The following AFAP1 variants were observed in gnomAD, a reference collection of about 807,000 sequenced individuals.
AFAP1 encodes actin filament associated protein 1.
In AFAP1, 75 loss-of-function variants were observed where a neutral mutation model predicts 93.9. That is an observed-to-expected ratio of 0.80 (90% confidence interval 0.66 to 0.97). The LOEUF is 0.97. Among genes scored for constraint, AFAP1 ranks in the 50% least tolerant of loss-of-function variants. AFAP1 has a pLI of 0.00. For missense variants in AFAP1, 1,201 were observed against 1,050.8 expected, an observed-to-expected ratio of 1.14 and a Z score of -1.98; for synonymous variants, 517 against 430.7, an observed-to-expected ratio of 1.20 and a Z score of -2.48.
chr4:7,841,452 A>G (rs1261298686), intron 5 of AFAP1, among the ~76,000 whole-genome samples: 2 of 152,246 alleles, frequency 1.3e-5, no homozygotes, highest in Non-Finnish European at 2.9e-5. Context: ...GGTACATCAC[A>G]GTACCCACCC....
intron 1 of AFAP1, among the ~76,000 whole-genome samples, chr4:7,884,926 A>G (rs573237276): frequency 6.6e-6 from 1 of 152,136 alleles, no homozygotes; most frequent in Non-Finnish European, 1.5e-5. Context: ...CACACGGTGC[A>G]TTCCCTAAAC....
At chr4:7,928,365 G>C (rs1720884291) in intron 1 of AFAP1, among the ~76,000 whole-genome samples, 1 of 152,000 alleles carries the variant, frequency 6.6e-6, no homozygotes, top group Non-Finnish European at 1.5e-5. Context: ...ACCCAGGCTG[G>C]GTAAAATACT....
chr4:7,816,978 AG>A (rs1168733734), intron 7 of AFAP1, among the ~76,000 whole-genome samples: 1 of 152,220 alleles, frequency 6.6e-6, no homozygotes, highest in Non-Finnish European at 1.5e-5. Context: ...CTCTCACACC[AG>A]GAACAGCTGG....
chr4:7,860,902 T>TCCA (rs1244020813), intron 3 of AFAP1, among the ~76,000 whole-genome samples: 4 of 152,300 alleles, frequency 2.6e-5, no homozygotes, highest in Admixed American at 1.3e-4. Context: ...CTTCATGCCT[T>TCCA]CCACTGCCGC....
At chr4:7,803,814 T>C (rs569185458) in intron 9 of AFAP1, among the ~76,000 whole-genome samples, 7 of 152,360 alleles carry the variant, frequency 4.6e-5, no homozygotes, top group African/African-American at 9.6e-5. Context: ...CCACATTTTA[T>C]TTAGAACATG....
intron 1 of AFAP1, among the ~76,000 whole-genome samples, chr4:7,931,383 G>C (rs763297164): frequency 1.2e-4 from 18 of 151,988 alleles, no homozygotes; most frequent in Non-Finnish European, 2.6e-4. Context: ...TATATTAAGT[G>C]ATATGGTTTT....
chr4:7,808,923 G>C (rs920125146), intron 9 of AFAP1, among the ~76,000 whole-genome samples: 6 of 152,126 alleles, frequency 3.9e-5, no homozygotes, highest in Non-Finnish European at 8.8e-5. Context: ...CGCAGATGCT[G>C]GCACCATACT....
chr4:7,925,122 T>G (rs1720656222), intron 1 of AFAP1, among the ~76,000 whole-genome samples: 1 of 152,116 alleles, frequency 6.6e-6, no homozygotes, highest in Non-Finnish European at 1.5e-5. Context: ...TCTGAGAAAG[T>G]CAACTCTGCC....
At chr4:7,790,562 G>C (rs371015169) in intron 11 of AFAP1, among the ~76,000 whole-genome samples, 1 of 152,164 alleles carries the variant, frequency 6.6e-6, no homozygotes, top group Non-Finnish European at 1.5e-5. Context: ...TGGAAATTTA[G>C]TATCTTCCAA....
chr4:7,910,918 C>T (rs1719688337), intron 1 of AFAP1, among the ~76,000 whole-genome samples: 1 of 152,188 alleles, frequency 6.6e-6, no homozygotes, highest in South Asian at 2.1e-4. Flanking sequence ...ATGCCACTCT[C>T]CTCAGTAATC....
chr4:7,781,905 C>T (rs1054591319), intron 12 of AFAP1, among the ~76,000 whole-genome samples: 3 of 152,120 alleles, frequency 2.0e-5, no homozygotes, highest in African/African-American at 7.2e-5. Flanking sequence ...TTAAACCATT[C>T]CCAGAACTCT....
At chr4:7,901,897 T>G (rs889736785) in intron 1 of AFAP1, among the ~76,000 whole-genome samples, 1 of 152,228 alleles carries the variant, frequency 6.6e-6, no homozygotes, top group African/African-American at 2.4e-5. Context: ...GTTCTAAGGC[T>G]CACATCTTCC....
rs2285766 is a variant in AFAP1 at position 7,761,121 on chromosome 4, G to A, written c.*2644C>T. ...TGTCAGAATTCTGGCAAGATGGCTC[G>A]CGTGTGTCTAATATGTACAGATATA... is the stretch of plus-strand genomic sequence containing the variant. On this transcript the variant is annotated 3_prime_UTR_variant, in exon 18 of 18. Coordinates refer to ENST00000420658, the MANE Select transcript of AFAP1 (RefSeq NM_001134647.2). 0.1 allele frequency: 15,767 copies of A among 152,292 alleles called. 1,337 individuals are homozygous for A. The highest frequency in any genetic ancestry group is 0.49 in the East Asian group (2,510 of 5,172). 9.4% of individuals were successfully genotyped at this position (152,292 alleles called of 1,614,324 possible).
intron 6 of AFAP1, among the ~76,000 whole-genome samples, chr4:7,825,368 C>A (rs1385642893): frequency 6.6e-6 from 1 of 152,144 alleles, no homozygotes; most frequent in African/African-American, 2.4e-5. Context: ...ACCTCAGTCA[C>A]CAAGACGTGG....
chr4:7,909,585 G>T (rs1360152693), intron 1 of AFAP1, among the ~76,000 whole-genome samples: 1 of 152,220 alleles, frequency 6.6e-6, no homozygotes, highest in Non-Finnish European at 1.5e-5. Context: ...GTAACAGGAT[G>T]TGGCATTTAG....
intron 1 of AFAP1, among the ~76,000 whole-genome samples, chr4:7,886,496 A>C (rs950900488): frequency 6.6e-6 from 1 of 152,210 alleles, no homozygotes; most frequent in Non-Finnish European, 1.5e-5. Context: ...GGATCTGTGC[A>C]TGTGTGTATA....
intron 1 of AFAP1, among the ~76,000 whole-genome samples, chr4:7,932,536 C>T (rs530933647): frequency 1.1e-4 from 16 of 152,290 alleles, no homozygotes; most frequent in African/African-American, 3.9e-4. Flanking sequence ...AGGCAAGGTC[C>T]CAAATTCCCC....
chr4:7,857,077 C>G (rs1160432168), intron 3 of AFAP1, among the ~76,000 whole-genome samples: 1 of 152,078 alleles, frequency 6.6e-6, no homozygotes, highest in Non-Finnish European at 1.5e-5. Flanking sequence ...TCCCCTTTTT[C>G]CTATGAATAG....
In AFAP1 at chr4:7,778,685, G is replaced by C. The variant is rs1027375007; in HGVS notation, c.1897+77C>G. 20 of 1,413,286 alleles carry C rather than the reference G, an allele frequency of 1.4e-5. No individual in the cohort carries two copies. The African/African-American group carries it at 2.5e-4, about 18-fold the overall frequency. The allele number at this position is 1,413,286 out of a possible 1,614,324, so 87.5% of individuals were successfully genotyped here. A position where few individuals can be genotyped will look rare whatever the true frequency, so the allele number is the denominator to read the frequency against. ...GCTGACCCCAAGCTGGCACTCACGG[G>C]TGGGCAGGCTCAGACAGGCCCAGCT... is the stretch of plus-strand genomic sequence containing the variant. On this transcript the variant is annotated intron_variant, in intron 14 of 17. Coordinates refer to ENST00000420658, the MANE Select transcript of AFAP1 (RefSeq NM_001134647.2).
Sources: gnomAD v4.1 joint callset for allele counts (sites outside exome capture counted in the v4.1 genomes callset) on GRCh38, gnomAD v4.1.1 for gene constraint, MANE v1.5 for transcripts, NCBI Gene and HGNC (gene_info 2026-07-23, HGNC 2026-07-21) for gene names.